Variants in CDC45 observed in about 807,000 individuals in gnomAD.
CDC45 encodes the protein cell division cycle 45.
CDC45 carries 54 observed loss-of-function variants against 77.8 expected under a neutral mutation model. That is an observed-to-expected ratio of 0.69 (90% CI 0.56 to 0.87). The LOEUF is 0.87. Ranked by LOEUF, CDC45 falls within the 40% of genes least tolerant of loss-of-function variation. The pLI, the probability that CDC45 is intolerant of heterozygous loss-of-function variation, is 0.00. For missense variants in CDC45, 649 were observed against 721.6 expected (o/e 0.90, Z 1.15); for synonymous variants, 260 against 272.1 (o/e 0.96, Z 0.44).
Position 19,486,125 on chromosome 22 carries a change from G to A in CDC45, c.486+2120G>A, listed in dbSNP as rs543088842. Among the ~76,000 whole-genome samples the A allele has an allele frequency of 1.2e-4, 18 of 152,206 alleles. No homozygotes were observed. In the South Asian group the frequency reaches 3.3e-3, roughly 28 times the overall value. On this transcript the variant is annotated intron_variant, in intron 5 of 18. Coordinates refer to ENST00000263201, the MANE Select transcript of CDC45 (RefSeq NM_003504.5). ...CAACCTCTGTCTTCTGGGTTCAAGC[G>A]ATTCGCCTGCCTCAGCCTCCCAAGT...
chr22:19,513,419 G>T (rs1464863910), intron 13 of CDC45, among the ~76,000 whole-genome samples: 2 of 152,104 alleles, frequency 1.3e-5, no homozygotes, highest in Non-Finnish European at 2.9e-5. Context: ...TTACTATCTG[G>T]CACGGCTCTT....
upstream of CDC45, chr22:19,479,778 C>T: frequency 1.5e-6 from 1 of 661,686 alleles, no homozygotes; most frequent in Non-Finnish European, 2.7e-6. Context: ...AGTTTTCTGG[C>T]CGTGAATGGC....
At chr22:19,502,123 A>G (rs890741036) in intron 9 of CDC45, among the ~76,000 whole-genome samples, 1 of 152,348 alleles carries the variant, frequency 6.6e-6, no homozygotes, top group East Asian at 1.9e-4. Flanking sequence ...AGCTGTTATC[A>G]TTAAACCAAC....
At chr22:19,511,360 T>C (rs1298484664) in intron 13 of CDC45, among the ~76,000 whole-genome samples, 4 of 148,158 alleles carry the variant, frequency 2.7e-5, no homozygotes, top group Non-Finnish European at 5.9e-5. Flanking sequence ...AGACAGGGTG[T>C]CACTCTGTTG....
intron 16 of CDC45, 52 bp from the exon 17 acceptor site, chr22:19,516,765 G>C: frequency 4.0e-6 from 3 of 749,414 alleles, no homozygotes; most frequent in Non-Finnish European, 6.5e-6. Context: ...CGGGGGGTGG[G>C]AAGGGTCCAT....
intron 3 of CDC45, 51 bp from the exon 4 acceptor site, chr22:19,482,639 A>G: frequency 6.3e-7 from 1 of 1,586,280 alleles, no homozygotes; most frequent in South Asian, 1.1e-5. Flanking sequence ...GTGATGAAGG[A>G]AAAGGGGCCT....
chr22:19,497,074 A>T (rs1274287629), intron 7 of CDC45, among the ~76,000 whole-genome samples: 1 of 152,192 alleles, frequency 6.6e-6, no homozygotes, highest in Non-Finnish European at 1.5e-5. Flanking sequence ...ACAGGGAGAT[A>T]CAAAGAGGCC....
intron 8 of CDC45, 51 bp from the exon 9 acceptor site, chr22:19,499,050 A>C: frequency 6.3e-7 from 1 of 1,583,862 alleles, no homozygotes; most frequent in Non-Finnish European, 8.7e-7. Flanking sequence ...CCCAGGCCTC[A>C]TTGAGCCCAG....
chr22:19,512,383 T>G (rs977568471), intron 13 of CDC45, among the ~76,000 whole-genome samples: 4 of 152,210 alleles, frequency 2.6e-5, no homozygotes, highest in Admixed American at 1.3e-4. Flanking sequence ...CTGATGTAGA[T>G]AGTATACCTG....
At chr22:19,506,104 A>G (rs922461469) in intron 10 of CDC45, among the ~76,000 whole-genome samples, 1 of 152,196 alleles carries the variant, frequency 6.6e-6, no homozygotes, top group Non-Finnish European at 1.5e-5. Context: ...CTGCTTTCCA[A>G]GGCCACACAA....
chr22:19,520,075 C>T lies in CDC45; in HGVS notation c.*2-406C>T, dbSNP rs1021895539. Among the ~76,000 whole-genome samples, 72 of 151,520 alleles carry T rather than the reference C, an allele frequency of 4.8e-4. No individual in the cohort carries two copies. The highest frequency in any genetic ancestry group is 1.6e-3 in the African/African-American group (66 of 40,862). ...AGTGGAGTGGGTGCTAGAGGCAAAC[C>T]CCTCCCCTGCAGCCTGCTTGGTGGT... On this transcript the variant is annotated intron_variant, in intron 18 of 18. Coordinates refer to ENST00000263201, the MANE Select transcript of CDC45 (RefSeq NM_003504.5). This position sits in a 1 kb window ranked among gnomAD's most constrained non-coding sequence, Gnocchi z 4.5.
At chr22:19,482,925 G>C in intron 4 of CDC45, 98 bp downstream of exon 4, 1 of 1,082,802 alleles carries the variant, frequency 9.2e-7, no homozygotes, top group Non-Finnish European at 1.4e-6. Flanking sequence ...TGACTACCCT[G>C]TGGGACTGGG....
chr22:19,493,813 CTCCATTTTCCCA>C lies in CDC45; in HGVS notation c.487-513_487-502del, dbSNP rs1268485351. ...GAATGTATGGGGAAAAACATATCTA[CTCCATTTTCCCA>C]GAAGCAGGAGTCTCGGGACCATGGA... On this transcript the variant is annotated intron_variant, in intron 5 of 18. Transcript: ENST00000263201. Among the ~76,000 whole-genome samples the C allele has an allele frequency of 9.2e-5, 14 of 152,340 alleles. 2 individuals are homozygous for C. The highest frequency in any genetic ancestry group is 3.4e-4 in the African/African-American group (14 of 41,576).
chr22:19,486,705 C>T (rs952240023), intron 5 of CDC45, among the ~76,000 whole-genome samples: 5 of 151,974 alleles, frequency 3.3e-5, no homozygotes, highest in South Asian at 2.1e-4. Flanking sequence ...TTTTTTGAGA[C>T]GGAGTCTCGC....
At chr22:19,512,389 A>G (rs1033102991) in intron 13 of CDC45, among the ~76,000 whole-genome samples, 3 of 152,052 alleles carry the variant, frequency 2.0e-5, no homozygotes, top group Non-Finnish European at 4.4e-5. Flanking sequence ...TAGATAGTAT[A>G]CCTGTCTGGC....
chr22:19,514,561 C>T (rs1933676032), intron 13 of CDC45, among the ~76,000 whole-genome samples, 188 bp from the exon 14 acceptor site: 1 of 152,190 alleles, frequency 6.6e-6, no homozygotes, highest in Admixed American at 6.5e-5. Context: ...ATTTGCATTA[C>T]TGTGGGTTTA....
intron 9 of CDC45, among the ~76,000 whole-genome samples, chr22:19,499,751 C>T (rs1280946168): frequency 2.0e-5 from 3 of 152,212 alleles, no homozygotes; most frequent in Non-Finnish European, 4.4e-5. Context: ...TGCTAATGCA[C>T]GAAGTGGCCC....
At chr22:19,505,513 G>T in intron 10 of CDC45, 32 bp downstream of exon 10, 1 of 1,611,946 alleles carries the variant, frequency 6.2e-7, no homozygotes. Flanking sequence ...AGGGGCACAG[G>T]CAGCACCCCT....
At chr22:19,495,146 G>A (rs545190253) in intron 6 of CDC45, among the ~76,000 whole-genome samples, 1 of 152,330 alleles carries the variant, frequency 6.6e-6, no homozygotes, top group African/African-American at 2.4e-5. Flanking sequence ...CTAATTAAAA[G>A]AGATTCTGGG....
Sources: gnomAD v4.1 joint callset for allele counts (sites outside exome capture counted in the v4.1 genomes callset) on GRCh38, gnomAD v4.1.1 for gene constraint, Gnocchi (gnomAD v3.1) non-coding constraint, MANE v1.5 for transcripts, NCBI Gene and HGNC (gene_info 2026-07-23, HGNC 2026-07-21) for gene names.